Variants in FER observed in about 807,000 individuals in gnomAD.
FER encodes the protein tyrosine-protein kinase Fer.
Under a neutral mutation model 111.0 loss-of-function variants are expected in FER, and 63 were observed. The ratio of observed to expected loss-of-function variants is 0.57; its 90% CI spans 0.46 to 0.70. FER has a LOEUF of 0.70. FER is among the 30% of genes least tolerant of loss of function. The pLI, the probability that FER is intolerant of heterozygous loss-of-function variation, is 0.00. For synonymous variants in FER, 327 were observed against 313.9 expected (o/e 1.04, Z -0.44); for missense variants, 914 against 954.0 (o/e 0.96, Z 0.55).
intron 5 of FER, among the ~76,000 whole-genome samples, chr5:108,844,678 C>T (rs1364882966): frequency 2.0e-5 from 3 of 151,880 alleles, no homozygotes; most frequent in Admixed American, 1.3e-4. Context: ...TCTTCTATCT[C>T]GAGGCAACTA....
chr5:108,774,499 A>G (rs1753272523), intron 2 of FER, among the ~76,000 whole-genome samples: 1 of 152,134 alleles, frequency 6.6e-6, no homozygotes, highest in African/African-American at 2.4e-5. Context: ...ACAATGGTTG[A>G]ACTAATTTAC....
intron 17 of FER, among the ~76,000 whole-genome samples, chr5:109,118,683 A>G (rs1053892414): frequency 1.3e-5 from 2 of 151,912 alleles, no homozygotes; most frequent in African/African-American, 4.8e-5. Context: ...TCAATTTCAG[A>G]GCCTGTTATT....
At chr5:109,121,012 T>C (rs1750896391) in intron 17 of FER, among the ~76,000 whole-genome samples, 2 of 152,130 alleles carry the variant, frequency 1.3e-5, no homozygotes, top group African/African-American at 2.4e-5. Flanking sequence ...TTTAGGTATT[T>C]TCAAATATAA....
intron 13 of FER, among the ~76,000 whole-genome samples, chr5:108,962,676 T>A (rs1196068727): frequency 6.6e-6 from 1 of 152,250 alleles, no homozygotes; most frequent in Non-Finnish European, 1.5e-5. Flanking sequence ...AGGTAATTGC[T>A]GACCTTTTTA....
intron 17 of FER, among the ~76,000 whole-genome samples, chr5:109,136,058 C>A (rs1175047167): frequency 6.6e-6 from 1 of 151,900 alleles, no homozygotes. Flanking sequence ...GAGTTTGAGA[C>A]CAGCCTGGGC....
intron 5 of FER, among the ~76,000 whole-genome samples, chr5:108,845,035 T>TAC (rs1561503155): frequency 1.6e-4 from 9 of 55,116 alleles, no homozygotes; most frequent in African/African-American, 2.5e-4. Flanking sequence ...TATATATATA[T>TAC]ATATACATAT....
chr5:108,888,773 G>A (rs1287451615), intron 9 of FER, among the ~76,000 whole-genome samples: 2 of 151,702 alleles, frequency 1.3e-5, no homozygotes, highest in African/African-American at 4.8e-5. Flanking sequence ...ATATATGAGA[G>A]ATTATGTCAT....
At chr5:108,985,147 A>T (rs530890284) in intron 13 of FER, among the ~76,000 whole-genome samples, 19 of 152,300 alleles carry the variant, frequency 1.2e-4, no homozygotes, top group African/African-American at 3.4e-4. Context: ...TGGAGAGTGG[A>T]CATGGGCTGA....
chr5:109,032,400 T>C (rs946360413), intron 13 of FER, among the ~76,000 whole-genome samples: 2 of 152,190 alleles, frequency 1.3e-5, no homozygotes, highest in Non-Finnish European at 2.9e-5. Context: ...AGGTAATAGC[T>C]TACCTTATTG....
intron 9 of FER, among the ~76,000 whole-genome samples, chr5:108,893,218 G>A (rs1659446687): frequency 6.6e-6 from 1 of 151,990 alleles, no homozygotes; most frequent in Non-Finnish European, 1.5e-5. Context: ...GTCATTGGTA[G>A]CTTGATGGGG....
Position 109,174,605 on chromosome 5 carries a change from T to C in FER, c.2049-6142T>C, listed in dbSNP as rs1408208991. On this transcript the variant is annotated intron_variant, in intron 17 of 19. Transcript: ENST00000281092. The stretch of plus-strand genomic sequence containing the variant: ...ACTGTCCTTCATCAGGACACTCATA[T>C]TGTTTCAAAGCCGTTGGTGACATTT... 4.6e-5 allele frequency among the ~76,000 whole-genome samples: 7 copies of C among 152,200 alleles called. No individual in the cohort carries two copies. In the East Asian group the frequency reaches 1.3e-3, roughly 29 times the overall value.
intron 17 of FER, among the ~76,000 whole-genome samples, chr5:109,155,912 T>G (rs1755326979): frequency 6.6e-6 from 1 of 151,992 alleles, no homozygotes; most frequent in Non-Finnish European, 1.5e-5. Flanking sequence ...TCATGATATC[T>G]CTTGAGGACC....
Position 108,768,089 on chromosome 5 carries a change from G to A in FER, c.-205-4G>A, listed in dbSNP as rs1752519058. ...GTTCTGACTCCTTGAATTTCTTCTT[G>A]CAGCTCATGTTTTTTGGCTAGACCT... On this transcript the variant is annotated splice_polypyrimidine_tract_variant and splice_region_variant and intron_variant, in intron 1 of 19. Coordinates refer to ENST00000281092, the MANE Select transcript of FER (RefSeq NM_005246.4). 6.6e-6 allele frequency: 1 copy of A among 152,006 alleles called. No individual in the cohort carries two copies. Among genetic ancestry groups the A allele is most frequent in the South Asian group, 2.1e-4 (1 of 4,814 alleles). The allele number at this position is 152,006 out of a possible 1,614,324, so 9.4% of individuals were successfully genotyped here. A position where few individuals can be genotyped will look rare whatever the true frequency, so the allele number is the denominator to read the frequency against.
chr5:109,136,398 A>C (rs1197798978), intron 17 of FER, among the ~76,000 whole-genome samples: 1 of 152,210 alleles, frequency 6.6e-6, no homozygotes, highest in Non-Finnish European at 1.5e-5. Context: ...TATATAAAAA[A>C]TCGTGTTTTA....
At chr5:108,969,157 CTT>C (rs1474780137) in intron 13 of FER, among the ~76,000 whole-genome samples, 1 of 152,134 alleles carries the variant, frequency 6.6e-6, no homozygotes, top group Non-Finnish European at 1.5e-5. Context: ...ATGTATATAT[CTT>C]TGATTCAGCA....
intron 5 of FER, among the ~76,000 whole-genome samples, chr5:108,850,643 A>AT (rs1376815980): frequency 6.6e-6 from 1 of 151,666 alleles, no homozygotes; most frequent in African/African-American, 2.4e-5. Flanking sequence ...TTTACTTTTT[A>AT]TTTTTTTTCT....
intron 16 of FER, among the ~76,000 whole-genome samples, chr5:109,057,717 A>C (rs1355601233): frequency 6.6e-6 from 1 of 152,230 alleles, no homozygotes; most frequent in African/African-American, 2.4e-5. Flanking sequence ...ATCTTTTAAG[A>C]ATTGAATTTC....
intron 14 of FER, among the ~76,000 whole-genome samples, chr5:109,043,641 T>A (rs1310651224): frequency 6.6e-6 from 1 of 152,198 alleles, no homozygotes; most frequent in Non-Finnish European, 1.5e-5. Context: ...CTAGTTTAGT[T>A]ACTTCTTGCT....
chr5:108,753,219 A>G (rs1750694727), intron 1 of FER, among the ~76,000 whole-genome samples: 1 of 152,140 alleles, frequency 6.6e-6, no homozygotes, highest in Non-Finnish European at 1.5e-5. Context: ...TAATGTGTTT[A>G]TTATACCATC....
Sources: gnomAD v4.1 joint callset for allele counts (sites outside exome capture counted in the v4.1 genomes callset) on GRCh38, gnomAD v4.1.1 for gene constraint, MANE v1.5 for transcripts, NCBI Gene and HGNC (gene_info 2026-07-23, HGNC 2026-07-21) for gene names.